Variants in CABLES1 observed in about 807,000 individuals in gnomAD.
The protein encoded by CABLES1 is Cdk5 and Abl enzyme substrate 1, also known as CDK5 and ABL1 enzyme substrate 1.
A neutral mutation model predicts 57.8 loss-of-function variants in CABLES1; 36 were observed. The observed-to-expected ratio is 0.62, with a 90% CI of 0.48 to 0.82. The LOEUF (loss-of-function observed/expected upper bound fraction) is 0.82, where lower values mean the gene tolerates loss of function less well. Among genes scored for constraint, CABLES1 ranks in the 40% least tolerant of loss-of-function variants. The pLI is 0.00. For synonymous variants in CABLES1, 374 were observed against 363.0 expected, an observed-to-expected ratio of 1.03 and a Z score of -0.35; for missense variants, 767 against 836.6, an observed-to-expected ratio of 0.92 and a Z score of 1.03.
At chr18:23,167,811 A>G (rs1332707585) in intron 1 of CABLES1, among the ~76,000 whole-genome samples, 1 of 152,082 alleles carries the variant, frequency 6.6e-6, no homozygotes, top group Non-Finnish European at 1.5e-5. Flanking sequence ...GGGCCTCGGC[A>G]GGTAGCTCTG....
chr18:23,245,013 T>C (rs2047839163), intron 7 of CABLES1, among the ~76,000 whole-genome samples: 1 of 152,224 alleles, frequency 6.6e-6, no homozygotes, highest in African/African-American at 2.4e-5. Context: ...ACCAACAACC[T>C]GTCTGCTCTG....
At chr18:23,163,206 G>A (rs1338631155) in intron 1 of CABLES1, among the ~76,000 whole-genome samples, 20 of 152,050 alleles carry the variant, frequency 1.3e-4, no homozygotes, top group Non-Finnish European at 4.4e-5. Context: ...AGGAGGAGGA[G>A]GAAGAAGAAG....
At chr18:23,252,293 T>C (rs928697509) in intron 7 of CABLES1, among the ~76,000 whole-genome samples, 1 of 152,164 alleles carries the variant, frequency 6.6e-6, no homozygotes, top group Non-Finnish European at 1.5e-5. Flanking sequence ...CAGATGGTGG[T>C]GAGGGCTGCA....
intron 1 of CABLES1, among the ~76,000 whole-genome samples, chr18:23,177,862 A>G (rs2047136037): frequency 6.6e-6 from 1 of 151,918 alleles, no homozygotes. Context: ...GTATCCTTAA[A>G]CCATGGGACC....
rs529365541 is a variant in CABLES1, at chr18:23,227,295, C to T, written c.1089-7313C>T. 3.8e-3 allele frequency among the ~76,000 whole-genome samples: 586 copies of T among 152,312 alleles called. 4 individuals carry two copies. The highest frequency in any genetic ancestry group is 0.014 in the African/African-American group (564 of 41,564). On this transcript the variant is annotated intron_variant, in intron 4 of 9. Coordinates refer to ENST00000256925, the MANE Select transcript of CABLES1 (RefSeq NM_001100619.3). ...AAAATTTTTGTTGTGGAAAATTACA[C>T]ATTCACAAATTGTGTTTCTTTCCTC...
chr18:23,205,636 T>C (rs2047357745), intron 3 of CABLES1, among the ~76,000 whole-genome samples: 1 of 152,190 alleles, frequency 6.6e-6, no homozygotes, highest in African/African-American at 2.4e-5. Flanking sequence ...TGTAATTCAC[T>C]AAGATGAGGT....
chr18:23,193,674 C>G (rs532957142), intron 2 of CABLES1, among the ~76,000 whole-genome samples: 1 of 152,216 alleles, frequency 6.6e-6, no homozygotes, highest in South Asian at 2.1e-4. Flanking sequence ...GCTTTTCTGT[C>G]GTTGTGATTG....
intron 1 of CABLES1, among the ~76,000 whole-genome samples, chr18:23,140,092 T>C (rs114389703): frequency 0.033 from 4,975 of 152,270 alleles, 281 homozygotes; most frequent in African/African-American, 0.11. Context: ...GCCAACAGGC[T>C]GGGTTTGCTG....
chr18:23,170,627 C>G (rs867124228), intron 1 of CABLES1, among the ~76,000 whole-genome samples: 4 of 152,202 alleles, frequency 2.6e-5, no homozygotes, highest in Admixed American at 1.3e-4. Context: ...CATTACATCT[C>G]AGAGCCAATT....
intron 4 of CABLES1, among the ~76,000 whole-genome samples, chr18:23,217,494 A>G (rs1016490848): frequency 6.6e-6 from 1 of 152,232 alleles, no homozygotes; most frequent in Admixed American, 6.5e-5. Context: ...CACCCAAGAA[A>G]CACTGAGCAC....
At chr18:23,139,373 A>G (rs929151205) in intron 1 of CABLES1, among the ~76,000 whole-genome samples, 3 of 143,268 alleles carry the variant, frequency 2.1e-5, no homozygotes, top group African/African-American at 8.1e-5. Context: ...ATTGCACTCC[A>G]GCCTGGGCAA....
intron 1 of CABLES1, 40 bp from the exon 2 acceptor site, chr18:23,188,798 A>G (rs779746062): frequency 2.2e-6 from 3 of 1,394,290 alleles, no homozygotes; most frequent in African/African-American, 2.8e-5. Context: ...CAGTTCTGCA[A>G]TGCAGTTTTA....
At chr18:23,155,425 G>A (rs1373622239) in intron 1 of CABLES1, among the ~76,000 whole-genome samples, 1 of 152,186 alleles carries the variant, frequency 6.6e-6, no homozygotes, top group African/African-American at 2.4e-5. Context: ...TGTTTTCAAA[G>A]GGAAAATAAT....
At chr18:23,199,305 C>T (rs187226977) in intron 3 of CABLES1, among the ~76,000 whole-genome samples, 50 of 152,184 alleles carry the variant, frequency 3.3e-4, no homozygotes, top group African/African-American at 1.2e-3. Context: ...CATAAAATTA[C>T]GATACAATTA....
At chr18:23,219,586 C>T (rs935843421) in intron 4 of CABLES1, among the ~76,000 whole-genome samples, 2 of 152,226 alleles carry the variant, frequency 1.3e-5, no homozygotes, top group African/African-American at 4.8e-5. Context: ...CCCAGCCACA[C>T]TCAGCATCCA....
chr18:23,183,662 G>C (rs765278156), intron 1 of CABLES1, among the ~76,000 whole-genome samples: 3 of 152,208 alleles, frequency 2.0e-5, no homozygotes, highest in Non-Finnish European at 4.4e-5. Flanking sequence ...GATGATGTCA[G>C]TGCATATTAC....
At chr18:23,140,362 G>C (rs1336844203) in intron 1 of CABLES1, among the ~76,000 whole-genome samples, 1 of 152,062 alleles carries the variant, frequency 6.6e-6, no homozygotes, top group East Asian at 1.9e-4. Flanking sequence ...ATGAAGTTGA[G>C]CCCAGGTGAA....
intron 1 of CABLES1, among the ~76,000 whole-genome samples, chr18:23,141,360 C>G (rs1446069045): frequency 6.6e-6 from 1 of 152,166 alleles, no homozygotes; most frequent in Non-Finnish European, 1.5e-5. Context: ...AAATGTGAGC[C>G]CACCACAGAT....
chr18:23,170,833 A>G (rs762495145), intron 1 of CABLES1, among the ~76,000 whole-genome samples: 6 of 152,244 alleles, frequency 3.9e-5, no homozygotes, highest in East Asian at 1.9e-4. Context: ...GGCTTGCTCT[A>G]TCTCCCAGGC....
Sources: gnomAD v4.1 joint callset for allele counts (sites outside exome capture counted in the v4.1 genomes callset) on GRCh38, gnomAD v4.1.1 for gene constraint, MANE v1.5 for transcripts, NCBI Gene and HGNC (gene_info 2026-07-23, HGNC 2026-07-21) for gene names.